Variants in COLGALT2 observed in about 807,000 individuals in gnomAD.
COLGALT2 encodes collagen beta(1-O)galactosyltransferase 2.
A neutral mutation model predicts 73.4 loss-of-function variants in COLGALT2; 49 were observed. The ratio of observed to expected loss-of-function variants is 0.67; its 90% CI spans 0.53 to 0.85. COLGALT2 has a LOEUF of 0.85. Ranked by LOEUF, COLGALT2 falls within the 40% of genes least tolerant of loss-of-function variation. The pLI, the probability that COLGALT2 is intolerant of heterozygous loss-of-function variation, is 0.00. For missense variants in COLGALT2, 722 were observed against 790.2 expected (o/e 0.91, Z 1.03); for synonymous variants, 295 against 307.6 (o/e 0.96, Z 0.43).
At chr1:183,993,635 G>A (rs957162730) in intron 1 of COLGALT2, among the ~76,000 whole-genome samples, 6 of 152,140 alleles carry the variant, frequency 3.9e-5, no homozygotes, top group African/African-American at 1.4e-4. Flanking sequence ...CCCCAGGTCA[G>A]GCCATGTCTA....
chr1:183,936,856 G>C lies in COLGALT2; in HGVS notation c.*1905C>G. On this transcript the variant is annotated 3_prime_UTR_variant, in exon 12 of 12. Transcript: ENST00000361927. ...CTAGCTTGCTGGTCAGTGTAGAAGG[G>C]TACCCACAGTGAGTCGGGAAGGAAG... 1.6e-6 allele frequency: 2 copies of C among 1,231,758 alleles called. No individual in the cohort carries two copies. The highest frequency in any genetic ancestry group is 3.1e-5 in the African/African-American group (2 of 64,514). The allele number at this position is 1,231,758 out of a possible 1,614,324, so 76.3% of individuals were successfully genotyped here. A position where few individuals can be genotyped will look rare whatever the true frequency, so the allele number is the denominator to read the frequency against.
At chr1:183,981,489 T>TA (rs35789912) in intron 1 of COLGALT2, among the ~76,000 whole-genome samples, 91 of 144,866 alleles carry the variant, frequency 6.3e-4, no homozygotes, top group East Asian at 1.6e-3. Context: ...CCGTCCCTAC[T>TA]AAAAAAAAAA....
downstream of COLGALT2, among the ~76,000 whole-genome samples, chr1:183,933,104 CA>C (rs1434446295): frequency 6.6e-6 from 1 of 152,202 alleles, no homozygotes; most frequent in Non-Finnish European, 1.5e-5. Flanking sequence ...CCCATAGTTG[CA>C]GACTTAAAAG....
intron 5 of COLGALT2, among the ~76,000 whole-genome samples, chr1:183,969,063 T>C (rs574994356): frequency 2.0e-5 from 3 of 152,168 alleles, no homozygotes; most frequent in Non-Finnish European, 2.9e-5. Context: ...AGTGGGTTCC[T>C]GGGTAGAGGC....
rs202206750 is a variant in COLGALT2 at position 183,938,844 on chromosome 1, G to A, written c.1798C>T (p.Arg600Cys). The A allele has an allele frequency of 5.5e-5, 88 of 1,614,042 alleles. No homozygotes were observed. Among genetic ancestry groups the A allele is most frequent in the Non-Finnish European group, 1.8e-5 (21 of 1,180,048 alleles). Residue 600 changes from arginine (R) to cysteine (C), a missense_variant, in exon 12 of 12, where the codon CGC (arginine) becomes TGC (cysteine). By Grantham distance (180) the Arg-to-Cys change is radical. Transcript: ENST00000361927. Reference protein sequence around the residue: ...THAWKSRKQSRIYSNAKNTEA... With the variant: ...THAWKSRKQSCIYSNAKNTEA... ...GTGTTCTTGGCATTGCTGTAGATGCGGCTTTGCTTCCGGGACTTCCAGGCA... is the reference window on the plus strand; with the variant it reads ...GTGTTCTTGGCATTGCTGTAGATGCAGCTTTGCTTCCGGGACTTCCAGGCA...
rs1670123040 is a variant in COLGALT2, at chr1:183,941,902, T to C, written c.1398-1115A>G. Among the ~76,000 whole-genome samples the C allele has an allele frequency of 2.0e-5, 3 of 149,770 alleles. No homozygotes were observed. In the Admixed American group the frequency reaches 2.0e-4, roughly 10 times the overall value. ...TTAAATGTTGAAGCTGTGTGAAATA[T>C]ATATATTTTTTCCATGAAACAAGTT... On this transcript the variant is annotated intron_variant, in intron 10 of 11. Transcript: ENST00000361927.
In COLGALT2 at chr1:183,973,680, A is replaced by G. The variant is rs779087845; in HGVS notation, c.563T>C (p.Ile188Thr). 3.7e-5 allele frequency: 59 copies of G among 1,614,002 alleles called. No homozygotes were observed. The highest frequency in any genetic ancestry group is 4.9e-5 in the Non-Finnish European group (58 of 1,180,028). ...CCGAGACTCCAGCATGGGGGCCACA[A>G]TAGTTTTGTTTTCTGCAATCAGTAG... The part of the protein sequence containing the change: ...LNLLIAENKT[I>T]VAPMLESRGL... Residue 188 changes from isoleucine (I) to threonine (T), a missense_variant, in exon 4 of 12, where the codon ATT (isoleucine) becomes ACT (threonine). Ile to Thr is a moderately conservative substitution (Grantham distance 89). Coordinates refer to ENST00000361927, the MANE Select transcript of COLGALT2 (RefSeq NM_015101.4).
At chr1:184,014,192 G>A (rs750549679) in intron 1 of COLGALT2, among the ~76,000 whole-genome samples, 8 of 152,132 alleles carry the variant, frequency 5.3e-5, no homozygotes, top group Non-Finnish European at 5.9e-5. Context: ...GTTTTCCAAC[G>A]AAAAGAAAGC....
In COLGALT2 at chr1:184,037,457, G is replaced by GGCGGCCGGGGGATGCGGCTTGCC. The variant is rs1476266746; in HGVS notation, c.-123_-101dup. The GGCGGCCGGGGGATGCGGCTTGCC allele has an allele frequency of 8.2e-7, 1 of 1,213,432 alleles. No individual in the cohort carries two copies. Among genetic ancestry groups the GGCGGCCGGGGGATGCGGCTTGCC allele is most frequent in the African/African-American group, 1.6e-5 (1 of 63,146 alleles). 75.2% of individuals were successfully genotyped at this position (1,213,432 alleles called of 1,614,324 possible). A position where few individuals can be genotyped will look rare whatever the true frequency, so the allele number is the denominator to read the frequency against. On this transcript the variant is annotated 5_prime_UTR_variant, in exon 1 of 12. Coordinates refer to ENST00000361927, the MANE Select transcript of COLGALT2 (RefSeq NM_015101.4). ...TGCCGGGGAGCAAGGGGCTGCGAGGGGCGGCCGGGGGATGCGGCTTGCCGC... is the reference window on the plus strand; with the variant it reads ...TGCCGGGGAGCAAGGGGCTGCGAGGGGCGGCCGGGGGATGCGGCTTGCCGCGGCCGGGGGATGCGGCTTGCCGC...
intron 2 of COLGALT2, among the ~76,000 whole-genome samples, chr1:183,976,076 T>C (rs1671181658): frequency 6.6e-6 from 1 of 152,238 alleles, no homozygotes; most frequent in African/African-American, 2.4e-5. Context: ...AATTCTCATT[T>C]TTCTAAATAT....
intron 1 of COLGALT2, among the ~76,000 whole-genome samples, chr1:183,991,692 G>A (rs1170093490): frequency 1.3e-5 from 2 of 152,180 alleles, no homozygotes; most frequent in Non-Finnish European, 2.9e-5. Context: ...ACATGGCGGT[G>A]GTGGGGGAAT....
At chr1:183,970,851 A>T (rs724427) in intron 4 of COLGALT2, among the ~76,000 whole-genome samples, 11,565 of 152,270 alleles carry the variant, frequency 0.076, 486 homozygotes, top group Middle Eastern at 0.12. Flanking sequence ...CTTAAGGATC[A>T]TTTAACATCC....
In COLGALT2 at chr1:183,935,917, C is replaced by A. The variant is rs936215210; in HGVS notation, c.*2844G>T. On this transcript the variant is annotated 3_prime_UTR_variant, in exon 12 of 12. Transcript: ENST00000361927. ...CACTTCCCCACTCTGAAATAGCACG[C>A]AAGACAGATGATGCAGGGGAACGGG... The A allele has an allele frequency of 2.0e-6, 2 of 985,318 alleles. No homozygotes were observed. Among genetic ancestry groups the A allele is most frequent in the East Asian group, 1.1e-4 (1 of 8,832 alleles). The allele number at this position is 985,318 out of a possible 1,614,324, so 61.0% of individuals were successfully genotyped here.
rs762907258 is a variant in COLGALT2 at position 183,975,234 on chromosome 1, T to C, written c.375-20A>G. On this transcript the variant is annotated intron_variant, in intron 2 of 11. Transcript: ENST00000361927. ...TAAGACCTAAAATAATAATAATAGC[T>C]CATCATTATTGAGTGCCTACATGTA... is the stretch of plus-strand genomic sequence containing the variant. 2.0e-6 allele frequency: 3 copies of C among 1,469,800 alleles called. No individual in the cohort carries two copies. Among genetic ancestry groups the C allele is most frequent in the Middle Eastern group, 3.5e-4 (2 of 5,790 alleles). The allele number at this position is 1,469,800 out of a possible 1,614,324, so 91.0% of individuals were successfully genotyped here. A position where few individuals can be genotyped will look rare whatever the true frequency, so the allele number is the denominator to read the frequency against.
chr1:183,940,600 T>A lies in COLGALT2; in HGVS notation c.1585A>T (p.Met529Leu). The A allele has an allele frequency of 6.2e-7, 1 of 1,614,230 alleles. No individual in the cohort carries two copies. Among genetic ancestry groups the A allele is most frequent in the South Asian group, 1.1e-5 (1 of 91,084 alleles). The change falls in exon 11 of 12, where the codon ATG (methionine) becomes TTG (leucine). Residue 529 changes from methionine (M) to leucine (L), a missense_variant. Coordinates refer to ENST00000361927, the MANE Select transcript of COLGALT2 (RefSeq NM_015101.4). ...ACTCACACGGGATGCTTGTTGTACA[T>A]GACTGGCAGAAACTCATCCACTGGC... ...MLPVDEFLPVMYNKHPVAEYK... is the reference protein window; with the variant it reads ...MLPVDEFLPVLYNKHPVAEYK...
At chr1:183,971,994 G>C (rs1011466288) in intron 4 of COLGALT2, among the ~76,000 whole-genome samples, 10 of 152,168 alleles carry the variant, frequency 6.6e-5, no homozygotes, top group Non-Finnish European at 1.3e-4. Context: ...TTCCCACAAA[G>C]AGCCAGTTAT....
At chr1:183,963,555 T>G (rs766336629) in intron 6 of COLGALT2, among the ~76,000 whole-genome samples, 1 of 152,160 alleles carries the variant, frequency 6.6e-6, no homozygotes, top group African/African-American at 2.4e-5. Context: ...ATTTTACAAC[T>G]AAGGATATTA....
intron 1 of COLGALT2, among the ~76,000 whole-genome samples, chr1:184,021,629 TA>T (rs1447646056): frequency 6.6e-6 from 1 of 152,206 alleles, no homozygotes; most frequent in Non-Finnish European, 1.5e-5. Flanking sequence ...CTGTTCATTA[TA>T]AATTATTACC....
At chr1:184,029,501 A>T (rs898421461) in intron 1 of COLGALT2, among the ~76,000 whole-genome samples, 4 of 152,182 alleles carry the variant, frequency 2.6e-5, no homozygotes, top group African/African-American at 9.7e-5. Flanking sequence ...AAGTGCACAC[A>T]GTGTGGGTCT....
Sources: gnomAD v4.1 joint callset for allele counts (sites outside exome capture counted in the v4.1 genomes callset) on GRCh38, gnomAD v4.1.1 for gene constraint, MANE v1.5 for transcripts, NCBI Gene and HGNC (gene_info 2026-07-23, HGNC 2026-07-21) for gene names.